The following PLPP1 variants were observed in gnomAD, a reference collection of about 807,000 sequenced individuals.
PLPP1 encodes phospholipid phosphatase 1.
In PLPP1, 24 loss-of-function variants were observed where a neutral mutation model predicts 31.2. The ratio of observed to expected loss-of-function variants is 0.77; its 90% CI spans 0.56 to 1.08. The LOEUF (loss-of-function observed/expected upper bound fraction) is 1.08, where lower values mean the gene tolerates loss of function less well. Among genes scored for constraint, PLPP1 ranks in the 50% least tolerant of loss-of-function variants. The pLI is 0.00. For missense variants in PLPP1, 319 were observed against 342.7 expected (o/e 0.93, Z 0.55); for synonymous variants, 146 against 126.3 (o/e 1.16, Z -1.05).
chr5:55,500,029 CAA>C (rs1171356434), intron 1 of PLPP1, among the ~76,000 whole-genome samples: 3 of 149,454 alleles, frequency 2.0e-5, no homozygotes, highest in African/African-American at 7.4e-5. Context: ...TAAAACCAAG[CAA>C]AATAAGTAAA....
intron 4 of PLPP1, among the ~76,000 whole-genome samples, chr5:55,432,052 G>A (rs1408519099): frequency 4.6e-5 from 7 of 151,580 alleles, no homozygotes; most frequent in Non-Finnish European, 8.8e-5. Context: ...CTCCTGAGTA[G>A]CTGGGACTAC....
chr5:55,515,642 T>C (rs1035528798), intron 1 of PLPP1, among the ~76,000 whole-genome samples: 8 of 152,128 alleles, frequency 5.3e-5, no homozygotes, highest in African/African-American at 9.7e-5. Context: ...TTTATCTTGT[T>C]TGACCCTTCA....
At chr5:55,504,634 T>C (rs1038367965) in intron 1 of PLPP1, among the ~76,000 whole-genome samples, 1 of 149,198 alleles carries the variant, frequency 6.7e-6, no homozygotes, top group Non-Finnish European at 1.5e-5. Flanking sequence ...TACATACACA[T>C]ACACACTAAA....
rs114265675 is a variant in PLPP1 at position 55,519,163 on chromosome 5, G to T, written c.58+15409C>A. Among the ~76,000 whole-genome samples, 534 of 152,230 alleles carry T rather than the reference G, an allele frequency of 3.5e-3. 2 individuals are homozygous for T. The highest frequency in any genetic ancestry group is 0.012 in the African/African-American group (489 of 41,532). ...CTGCATTCATACTGTGGGACATAAA[G>T]TAAATTTTAATATAGATATCCACAC... is the stretch of plus-strand genomic sequence containing the variant. On this transcript the variant is annotated intron_variant, in intron 1 of 5. Coordinates refer to ENST00000307259, the MANE Select transcript of PLPP1 (RefSeq NM_003711.4).
At chr5:55,529,935 A>G (rs529208014) in intron 1 of PLPP1, among the ~76,000 whole-genome samples, 21 of 152,350 alleles carry the variant, frequency 1.4e-4, no homozygotes, top group Admixed American at 9.2e-4. Flanking sequence ...CATTAGTGAA[A>G]CATCTTTTAC....
chr5:55,435,151 A>G (rs961395196), intron 4 of PLPP1, among the ~76,000 whole-genome samples: 2 of 152,212 alleles, frequency 1.3e-5, no homozygotes, highest in East Asian at 3.8e-4. Flanking sequence ...AAAATTCTCA[A>G]TATCACTAAC....
chr5:55,527,733 T>C (rs999542735), intron 1 of PLPP1, among the ~76,000 whole-genome samples: 3 of 152,120 alleles, frequency 2.0e-5, no homozygotes, highest in African/African-American at 4.8e-5. Flanking sequence ...CAGGAAGCCA[T>C]TATCATCTCC....
At chr5:55,500,497 T>G (rs947455371) in intron 1 of PLPP1, among the ~76,000 whole-genome samples, 1 of 152,080 alleles carries the variant, frequency 6.6e-6, no homozygotes, top group Non-Finnish European at 1.5e-5. Flanking sequence ...AATTTAACAG[T>G]GGGGGCTAAA....
chr5:55,448,467 T>G (rs961782283), intron 3 of PLPP1, among the ~76,000 whole-genome samples: 1 of 150,840 alleles, frequency 6.6e-6, no homozygotes, highest in Non-Finnish European at 1.5e-5. Flanking sequence ...TTTTTTTTTT[T>G]GACAGAGTCT....
intron 3 of PLPP1, among the ~76,000 whole-genome samples, chr5:55,458,712 A>T (rs1437376529): frequency 6.6e-6 from 1 of 151,714 alleles, no homozygotes; most frequent in Non-Finnish European, 1.5e-5. Flanking sequence ...ACATGGTGAA[A>T]CCCCATCTCT....
rs76373919 is a variant in PLPP1, at chr5:55,448,082, C to A, written c.492-6174G>T. On this transcript the variant is annotated intron_variant, in intron 3 of 5. Transcript: ENST00000307259. The stretch of plus-strand genomic sequence containing the variant: ...GTTAAAATGTCCTGTACAAATGCTA[C>A]AAATGGATATATGAGCAATGACCTC... Among the ~76,000 whole-genome samples, 647 of 152,242 alleles carry A rather than the reference C, an allele frequency of 4.2e-3. 5 individuals are homozygous for A. Among genetic ancestry groups the A allele is most frequent in the African/African-American group, 0.015 (619 of 41,548 alleles).
intron 1 of PLPP1, among the ~76,000 whole-genome samples, chr5:55,486,137 A>G (rs1752770143): frequency 6.6e-6 from 1 of 152,148 alleles, no homozygotes; most frequent in Non-Finnish European, 1.5e-5. Context: ...GCTTTAATAT[A>G]AACTTTGATT....
intron 1 of PLPP1, among the ~76,000 whole-genome samples, chr5:55,513,018 G>A (rs926294126): frequency 1.3e-5 from 2 of 152,088 alleles, no homozygotes; most frequent in African/African-American, 2.4e-5. Flanking sequence ...AGTTTTGTCC[G>A]GGTATTATTT....
Position 55,426,001 on chromosome 5 carries a change from T to C in PLPP1, c.588A>G (p.Arg196=). The change falls in exon 5 of 6, where the codon AGA becomes AGG. Residue 196 remains arginine (R), a synonymous_variant. Coordinates refer to ENST00000307259, the MANE Select transcript of PLPP1 (RefSeq NM_003711.4). ...CAAATTGCAGTGTGGGGCGTAAGAG[T>C]CTTGCCCAGTCTCCCTTCATCCTGG... The part of the protein sequence containing the change: ...LQARMKGDWA[R]LLRPTLQFGL... The C allele has an allele frequency of 6.2e-7, 1 of 1,609,712 alleles. No individual in the cohort carries two copies. Among genetic ancestry groups the C allele is most frequent in the Non-Finnish European group, 8.5e-7 (1 of 1,178,848 alleles).
rs924714529 is a variant in PLPP1 at position 55,481,932 on chromosome 5, A to G, written c.59-6482T>C. On this transcript the variant is annotated intron_variant, in intron 1 of 5. Transcript: ENST00000307259. ...CCAATCTCCACAGTACTATATTTCTACAATTCTAATAGACGTTTCCTCCAT... is the reference window on the plus strand; with the variant it reads ...CCAATCTCCACAGTACTATATTTCTGCAATTCTAATAGACGTTTCCTCCAT... Among the ~76,000 whole-genome samples, 125 of 151,576 alleles carry G rather than the reference A, an allele frequency of 8.2e-4. 1 individual carries two copies. The highest frequency in any genetic ancestry group is 2.9e-3 in the African/African-American group (119 of 41,498).
rs113327588 is a variant in PLPP1, at chr5:55,534,674, G to T, written c.-45C>A. 76,619 of 1,512,328 alleles carry T rather than the reference G, an allele frequency of 0.051. 2,220 individuals carry two copies. The highest frequency in any genetic ancestry group is 0.058 in the Non-Finnish European group (65,081 of 1,130,072). The allele number at this position is 1,512,328 out of a possible 1,614,324, so 93.7% of individuals were successfully genotyped here. A position where few individuals can be genotyped will look rare whatever the true frequency, so the allele number is the denominator to read the frequency against. On this transcript the variant is annotated 5_prime_UTR_variant, in exon 1 of 6. Coordinates refer to ENST00000307259, the MANE Select transcript of PLPP1 (RefSeq NM_003711.4). ...CGGCAAGGGCGATGGACTGAGCTGC[G>T]GGACGGCGGCCGAGGCCCTTGATTC...
chr5:55,463,826 TAAATAAATAAG>T (rs1752223656), intron 3 of PLPP1, among the ~76,000 whole-genome samples: 1 of 147,354 alleles, frequency 6.8e-6, no homozygotes, highest in African/African-American at 2.5e-5. Flanking sequence ...AATAAATAAA[TAAATAAATAAG>T]AAAATACATA....
intron 4 of PLPP1, among the ~76,000 whole-genome samples, chr5:55,428,256 C>T (rs1262071570): frequency 6.6e-5 from 10 of 152,252 alleles, no homozygotes; most frequent in Non-Finnish European, 5.9e-5. Flanking sequence ...CTGTACCTAA[C>T]CTTGTGCTCT....
At chr5:55,530,854 G>C (rs113276088) in intron 1 of PLPP1, among the ~76,000 whole-genome samples, 4 of 152,350 alleles carry the variant, frequency 2.6e-5, no homozygotes, top group African/African-American at 9.6e-5. Context: ...GGATGTGGCC[G>C]CGGAGAGGTC....
Sources: gnomAD v4.1 joint callset for allele counts (sites outside exome capture counted in the v4.1 genomes callset) on GRCh38, gnomAD v4.1.1 for gene constraint, MANE v1.5 for transcripts, NCBI Gene and HGNC (gene_info 2026-07-23, HGNC 2026-07-21) for gene names.